The following CCNY variants were observed in gnomAD, a reference collection of about 807,000 sequenced individuals.
CCNY encodes the protein cyclin-Y.
Under a neutral mutation model 42.8 loss-of-function variants are expected in CCNY, and 19 were observed. The ratio of observed to expected loss-of-function variants is 0.44; its 90% CI spans 0.31 to 0.65. The LOEUF (loss-of-function observed/expected upper bound fraction) is 0.65. Among genes scored for constraint, CCNY ranks in the 30% least tolerant of loss-of-function variants. The probability of loss-of-function intolerance (pLI) is 0.07; values close to 1 mark genes in which losing one functional copy is unlikely to be tolerated. For missense variants in CCNY, 370 were observed against 437.3 expected (o/e 0.85, Z 1.37); for synonymous variants, 165 against 162.7 (o/e 1.01, Z -0.11).
At chr10:35,464,183 C>T (rs1232881231) in intron 1 of CCNY, among the ~76,000 whole-genome samples, 3 of 152,208 alleles carry the variant, frequency 2.0e-5, no homozygotes, top group African/African-American at 2.4e-5. Context: ...CCAGCTCCCT[C>T]CTCTGTGCCT....
chr10:35,567,339 C>G (rs150560899), intron 9 of CCNY, among the ~76,000 whole-genome samples: 1 of 152,220 alleles, frequency 6.6e-6, no homozygotes, highest in Non-Finnish European at 1.5e-5. Flanking sequence ...GTGGCTCCGC[C>G]TCATATGTTC....
At chr10:35,253,879 T>A (rs1452804912) in intron 3 of CCNY, among the ~76,000 whole-genome samples, 1 of 62,052 alleles carries the variant, frequency 1.6e-5, no homozygotes, top group Non-Finnish European at 3.2e-5. Flanking sequence ...CAACTGTTTT[T>A]TTTTTTTTTT....
chr10:35,274,027 G>GTAT (rs1455054756), intron 3 of CCNY, among the ~76,000 whole-genome samples: 1 of 152,180 alleles, frequency 6.6e-6, no homozygotes, highest in Non-Finnish European at 1.5e-5. Flanking sequence ...CTTGCCATGT[G>GTAT]TATTAGTCTG....
At chr10:35,347,026 T>C (rs1029599091) in intron 1 of CCNY, among the ~76,000 whole-genome samples, 7 of 152,362 alleles carry the variant, frequency 4.6e-5, no homozygotes, top group Admixed American at 3.9e-4. Context: ...ATAAAAGAAA[T>C]TGTAAAATGT....
At chr10:35,330,075 G>A (rs1351329708) in intron 3 of CCNY, among the ~76,000 whole-genome samples, 1 of 152,204 alleles carries the variant, frequency 6.6e-6, no homozygotes, top group Admixed American at 6.5e-5. Flanking sequence ...TCCTGTTAGG[G>A]ACAGGGTCTG....
chr10:35,249,819 G>A (rs1432810795), intron 2 of CCNY, among the ~76,000 whole-genome samples: 1 of 152,182 alleles, frequency 6.6e-6, no homozygotes, highest in Non-Finnish European at 1.5e-5. Flanking sequence ...GGAGACTGAG[G>A]GAGGCAGACT....
At chr10:35,410,758 C>T (rs1464900245) in intron 1 of CCNY, among the ~76,000 whole-genome samples, 1 of 152,212 alleles carries the variant, frequency 6.6e-6, no homozygotes, top group African/African-American at 2.4e-5. Context: ...TGCACCAGAG[C>T]TCTGCTTCTC....
At chr10:35,346,745 G>T (rs1033353808) in intron 1 of CCNY, among the ~76,000 whole-genome samples, 5 of 152,164 alleles carry the variant, frequency 3.3e-5, no homozygotes, top group Non-Finnish European at 1.5e-5. Context: ...TCCCACCTCA[G>T]CCTCCTGAGT....
intron 4 of CCNY, among the ~76,000 whole-genome samples, chr10:35,519,268 G>A (rs1434911554): frequency 6.6e-6 from 1 of 151,902 alleles, no homozygotes; most frequent in East Asian, 1.9e-4. Flanking sequence ...TATACTGTGA[G>A]TATCTGGATT....
intron 1 of CCNY, among the ~76,000 whole-genome samples, chr10:35,407,574 G>A (rs1222438555): frequency 2.0e-5 from 3 of 152,148 alleles, no homozygotes; most frequent in Non-Finnish European, 4.4e-5. Context: ...CGAAAGTGCC[G>A]TTTTCTGGCT....
At chr10:35,425,094 T>C (rs1838237909) in intron 1 of CCNY, among the ~76,000 whole-genome samples, 1 of 152,154 alleles carries the variant, frequency 6.6e-6, no homozygotes, top group Non-Finnish European at 1.5e-5. Flanking sequence ...TAGTCATACC[T>C]CCTGCATGCA....
intron 1 of CCNY, among the ~76,000 whole-genome samples, chr10:35,340,527 T>TG (rs1836154733): frequency 1.3e-5 from 2 of 149,270 alleles, no homozygotes; most frequent in Non-Finnish European, 1.5e-5. Flanking sequence ...TTTTTTGAGA[T>TG]GGAGTTTTGC....
At chr10:35,512,276 A>T (rs1484561258) in intron 3 of CCNY, among the ~76,000 whole-genome samples, 3 of 152,200 alleles carry the variant, frequency 2.0e-5, no homozygotes, top group East Asian at 1.9e-4. Context: ...CCAGGCAAGT[A>T]GTGAGCTCAG....
At chr10:35,334,536 C>T (rs1426392709), upstream of CCNY, among the ~76,000 whole-genome samples, 1 of 152,216 alleles carries the variant, frequency 6.6e-6, no homozygotes, top group Non-Finnish European at 1.5e-5. Context: ...TCTACACAGC[C>T]TCAATGAAGA....
chr10:35,362,896 C>T (rs1237384532), intron 1 of CCNY, among the ~76,000 whole-genome samples: 2 of 151,510 alleles, frequency 1.3e-5, no homozygotes, highest in African/African-American at 4.9e-5. Context: ...TCCTTGCTTC[C>T]CAGATAGGGC....
intron 1 of CCNY, among the ~76,000 whole-genome samples, chr10:35,392,287 A>T (rs1283100988): frequency 1.3e-5 from 2 of 152,230 alleles, no homozygotes; most frequent in African/African-American, 4.8e-5. Context: ...GCAAAGGAGG[A>T]AAGAATGTCC....
chr10:35,435,471 C>G (rs755239573), intron 1 of CCNY, among the ~76,000 whole-genome samples: 1 of 152,162 alleles, frequency 6.6e-6, no homozygotes, highest in South Asian at 2.1e-4. Context: ...CTCATAGGCC[C>G]GTGTGGCCCA....
chr10:35,313,211 C>CA (rs1046865017), intron 3 of CCNY, among the ~76,000 whole-genome samples: 7 of 152,276 alleles, frequency 4.6e-5, no homozygotes, highest in South Asian at 2.1e-4. Flanking sequence ...CGCCAAAGGC[C>CA]AAAGACTGGT....
intron 8 of CCNY, among the ~76,000 whole-genome samples, chr10:35,559,880 T>C (rs1446879642): frequency 6.6e-6 from 1 of 152,192 alleles, no homozygotes; most frequent in Non-Finnish European, 1.5e-5. Flanking sequence ...GCTGCCTACC[T>C]GGGGGTGGGT....
Sources: allele counts gnomAD v4.1 joint callset (sites outside exome capture counted in the v4.1 genomes callset), GRCh38; gene constraint gnomAD v4.1.1; transcripts MANE v1.5; gene names NCBI Gene and HGNC (gene_info 2026-07-23, HGNC 2026-07-21).